NLRP11: variants seen among roughly 807,000 people sequenced by gnomAD.
NLRP11 encodes NLR family pyrin domain containing 11.
In NLRP11, 53 loss-of-function variants were observed where a neutral mutation model predicts 79.3. The ratio of observed to expected loss-of-function variants is 0.67; its 90% CI spans 0.54 to 0.84. The LOEUF (loss-of-function observed/expected upper bound fraction) is 0.84. Ranked by LOEUF, NLRP11 falls within the 40% of genes least tolerant of loss-of-function variation. The pLI is 0.00. For missense variants in NLRP11, 1,264 were observed against 1,255.0 expected (o/e 1.01, Z -0.11); for synonymous variants, 518 against 462.6 (o/e 1.12, Z -1.54).
intron 4 of NLRP11, among the ~76,000 whole-genome samples, chr19:55,806,392 C>G (rs958600527): frequency 6.6e-6 from 1 of 152,242 alleles, no homozygotes; most frequent in Non-Finnish European, 1.5e-5. Context: ...TTTCCCAACT[C>G]AGTGGCAACT....
At chr19:55,797,257 C>A (rs1358068464) in intron 5 of NLRP11, among the ~76,000 whole-genome samples, 1 of 152,006 alleles carries the variant, frequency 6.6e-6, no homozygotes, top group Admixed American at 6.5e-5. Flanking sequence ...TATGATCATA[C>A]CAATGCACTT....
chr19:55,815,335 C>T (rs1441596357), intron 2 of NLRP11, among the ~76,000 whole-genome samples: 2 of 151,956 alleles, frequency 1.3e-5, no homozygotes, highest in East Asian at 3.9e-4. Flanking sequence ...TCAAGACCAG[C>T]CTGGCCAACA....
rs1980395186 is a variant in NLRP11, at chr19:55,809,676, AAG to A, written c.932_933del (p.Ser311PhefsTer3). Reference sequence around the variant, plus strand: ...GACGCCCTCTGGCGGTCTTTAAAGAAAGAGTTAAAATATATCTCCCTCTTCCC... The same window carrying A: ...GACGCCCTCTGGCGGTCTTTAAAGAAAGTTAAAATATATCTCCCTCTTCCC... On this transcript the variant is annotated frameshift_variant, in exon 3 of 10. Transcript: ENST00000589093. LOFTEE classifies it high-confidence loss of function. The surrounding 1 kb of genome is among the most constrained non-coding windows in gnomAD (Gnocchi z 4.5). 1 of 1,614,134 alleles carries A rather than the reference AAG, an allele frequency of 6.2e-7. No individual in the cohort carries two copies. The highest frequency in any genetic ancestry group is 8.5e-7 in the Non-Finnish European group (1 of 1,180,002).
chr19:55,831,899 A>G (rs955739262), intron 1 of NLRP11, 64 bp downstream of exon 1: 2 of 152,250 alleles, frequency 1.3e-5, no homozygotes, highest in African/African-American at 2.4e-5. Flanking sequence ...TAAAGAACCA[A>G]TGTAACATAA....
chr19:55,814,022 G>A (rs1980853225), intron 2 of NLRP11, among the ~76,000 whole-genome samples: 1 of 152,124 alleles, frequency 6.6e-6, no homozygotes, highest in Admixed American at 6.5e-5. Flanking sequence ...GTTAGGGACT[G>A]GGCCCCACAG....
At chr19:55,799,355 C>T (rs1979251847) in intron 5 of NLRP11, among the ~76,000 whole-genome samples, 1 of 152,160 alleles carries the variant, frequency 6.6e-6, no homozygotes, top group Non-Finnish European at 1.5e-5. Flanking sequence ...TAAGAGTCTT[C>T]ATCACATAGA....
chr19:55,805,096 A>AG (rs1979859300), intron 4 of NLRP11, among the ~76,000 whole-genome samples: 2 of 152,048 alleles, frequency 1.3e-5, no homozygotes, highest in African/African-American at 4.8e-5. Flanking sequence ...AATTTCATTG[A>AG]GGAAAAAGAA....
At chr19:55,799,624 G>C (rs1979277844) in intron 5 of NLRP11, among the ~76,000 whole-genome samples, 1 of 152,190 alleles carries the variant, frequency 6.6e-6, no homozygotes, top group South Asian at 2.1e-4. Flanking sequence ...ATTTAGCTGG[G>C]AGAATGTGAT....
chr19:55,809,722 C>T lies in NLRP11; in HGVS notation c.888G>A (p.Thr296=), dbSNP rs745959992. The change falls in exon 3 of 10, where the codon ACG becomes ACA. Residue 296 remains threonine, a synonymous_variant. Transcript: ENST00000589093. This position sits in a 1 kb window ranked among gnomAD's most constrained non-coding sequence, Gnocchi z 4.5. ...TCTTCCCATTCGACAGCTGCAAGGT[C>T]GTGCAGCAATCTACCTCTTTCAAGA... is the stretch of plus-strand genomic sequence containing the variant. The T allele has an allele frequency of 2.2e-5, 36 of 1,613,986 alleles. No individual in the cohort carries two copies. The highest frequency in any genetic ancestry group is 4.0e-5 in the African/African-American group (3 of 74,926).
exon 2 of NLRP11, chr19:55,818,098 A>C (rs778817511): frequency 1.9e-6 from 3 of 1,614,044 alleles, no homozygotes. Context: ...ATACTTCTTA[A>C]AACTCTGAAA....
chr19:55,813,995 A>T (rs73935408), intron 2 of NLRP11, among the ~76,000 whole-genome samples: 1 of 152,118 alleles, frequency 6.6e-6, no homozygotes, highest in Non-Finnish European at 1.5e-5. Flanking sequence ...CGCCAGACTG[A>T]TATCAGTCTG....
intron 4 of NLRP11, 97 bp from the exon 5 acceptor site, chr19:55,801,836 T>A: frequency 2.1e-6 from 2 of 968,542 alleles, no homozygotes; most frequent in Non-Finnish European, 3.2e-6. Context: ...TAACAAAGAT[T>A]CTCAGTGGAT....
chr19:55,816,971 G>C (rs1981177669), intron 2 of NLRP11, among the ~76,000 whole-genome samples: 1 of 152,032 alleles, frequency 6.6e-6, no homozygotes, highest in Non-Finnish European at 1.5e-5. Flanking sequence ...AAACCACCAA[G>C]CTAAACAATT....
At chr19:55,796,772 T>A (rs12973282) in intron 5 of NLRP11, among the ~76,000 whole-genome samples, 17 of 151,368 alleles carry the variant, frequency 1.1e-4, no homozygotes, top group Admixed American at 8.5e-4. Flanking sequence ...CTGCAACCTC[T>A]GCCTCCCGGG....
intron 3 of NLRP11, 68 bp downstream of exon 3, chr19:55,808,701 A>C (rs1415827958): frequency 1.4e-6 from 2 of 1,448,206 alleles, no homozygotes; most frequent in Admixed American, 2.2e-5. Context: ...TGTTCTGGTC[A>C]ACAAGCTCTA....
rs567288946 is a variant in NLRP11, at chr19:55,822,739, C to T, written c.-62-4503G>A. On this transcript the variant is annotated intron_variant, in intron 1 of 9. Coordinates refer to ENST00000589093, the Ensembl canonical transcript of NLRP11. Reference sequence around the variant, plus strand: ...AAACGGCGCACCATGAGACTATATCCCACACCTGGCTCGGAGGGTCCTATG... The same window carrying T: ...AAACGGCGCACCATGAGACTATATCTCACACCTGGCTCGGAGGGTCCTATG... Among the ~76,000 whole-genome samples, 3 of 152,156 alleles carry T rather than the reference C, an allele frequency of 2.0e-5. No individual in the cohort carries two copies. In the South Asian group the frequency reaches 6.2e-4, roughly 32 times the overall value.
At chr19:55,818,996 G>A (rs1018178236) in intron 1 of NLRP11, among the ~76,000 whole-genome samples, 15 of 152,052 alleles carry the variant, frequency 9.9e-5, no homozygotes, top group Admixed American at 3.3e-4. Flanking sequence ...TGCATACCTC[G>A]CAGAACTGCT....
intron 5 of NLRP11, among the ~76,000 whole-genome samples, chr19:55,798,050 A>G (rs1301090726): frequency 6.9e-6 from 1 of 145,282 alleles, no homozygotes; most frequent in Non-Finnish European, 1.5e-5. Flanking sequence ...AGGCTGGTGG[A>G]GTGCAATGGT....
chr19:55,804,499 A>C (rs904131740), intron 4 of NLRP11, among the ~76,000 whole-genome samples: 2 of 151,880 alleles, frequency 1.3e-5, no homozygotes, highest in African/African-American at 4.8e-5. Context: ...TTAGCAAACT[A>C]TCACAGGAAC....
Sources: gnomAD v4.1 joint callset for allele counts (sites outside exome capture counted in the v4.1 genomes callset) on GRCh38, gnomAD v4.1.1 for gene constraint, Gnocchi (gnomAD v3.1) non-coding constraint, MANE v1.5 for transcripts, NCBI Gene and HGNC (gene_info 2026-07-23, HGNC 2026-07-21) for gene names.